The following TPD52L1 variants were observed in gnomAD, a reference collection of about 807,000 sequenced individuals.
TPD52L1 encodes the protein tumor protein D53.
Under a neutral mutation model 28.7 loss-of-function variants are expected in TPD52L1, and 18 were observed. That is an observed-to-expected ratio of 0.63 (90% confidence interval 0.43 to 0.93). The LOEUF is 0.93. Among genes scored for constraint, TPD52L1 ranks in the 40% least tolerant of loss-of-function variants. The pLI is 0.00. For synonymous variants in TPD52L1, 75 were observed against 88.8 expected (o/e 0.84, Z 0.88); for missense variants, 203 against 254.8 (o/e 0.80, Z 1.39).
chr6:125,153,910 C>A lies in TPD52L1; in HGVS notation c.-42C>A, dbSNP rs780191406. 16 of 1,589,486 alleles carry A rather than the reference C, an allele frequency of 1.0e-5. No homozygotes were observed. The African/African-American group carries it at 2.1e-4, about 21-fold the overall frequency. On this transcript the variant is annotated 5_prime_UTR_variant, in exon 1 of 7. Coordinates refer to ENST00000534000, the MANE Select transcript of TPD52L1 (RefSeq NM_003287.4). Reference sequence around the variant, plus strand: ...CGCAGCTGCCATCTGCTCTGGGAAGCACCAGGGTGTCCCCGCCGCCCTCAG... The same window carrying A: ...CGCAGCTGCCATCTGCTCTGGGAAGAACCAGGGTGTCCCCGCCGCCCTCAG...
intron 3 of TPD52L1, among the ~76,000 whole-genome samples, chr6:125,244,879 G>A (rs748108816): frequency 1.8e-4 from 27 of 152,298 alleles, no homozygotes; most frequent in Non-Finnish European, 2.9e-4. Flanking sequence ...TGGAACTCAA[G>A]GCCTGCTGTT....
At chr6:125,212,299 G>A (rs1794575093) in intron 1 of TPD52L1, among the ~76,000 whole-genome samples, 6 of 152,008 alleles carry the variant, frequency 3.9e-5, no homozygotes, top group Admixed American at 3.3e-4. Flanking sequence ...CCCTTTGCTT[G>A]GTTACACAGT....
chr6:125,233,708 C>T (rs999248320), intron 3 of TPD52L1, among the ~76,000 whole-genome samples: 5 of 152,206 alleles, frequency 3.3e-5, no homozygotes, highest in Admixed American at 2.0e-4. Flanking sequence ...GAAATATATT[C>T]GTGCTGTAAA....
intron 2 of TPD52L1, 95 bp downstream of exon 2, chr6:125,220,288 A>G: frequency 2.6e-6 from 2 of 767,598 alleles, no homozygotes; most frequent in Non-Finnish European, 4.2e-6. Flanking sequence ...TTGTATTGTA[A>G]TGATGTTGTC....
Position 125,255,478 on chromosome 6 carries a change from C to T in TPD52L1, c.426-1620C>T, listed in dbSNP as rs936444204. Among the ~76,000 whole-genome samples the T allele has an allele frequency of 6.6e-5, 10 of 152,256 alleles. No individual in the cohort carries two copies. The East Asian group carries it at 1.2e-3, about 18-fold the overall frequency. On this transcript the variant is annotated intron_variant, in intron 5 of 6. Coordinates refer to ENST00000534000, the MANE Select transcript of TPD52L1 (RefSeq NM_003287.4). ...ATAGGAATTTGACTCGTGTTTGAGT[C>T]GTACACAAAATGTGATGCCATGTCA...
chr6:125,235,112 A>ATAAT (rs1796182413), intron 3 of TPD52L1, among the ~76,000 whole-genome samples: 1 of 149,272 alleles, frequency 6.7e-6, no homozygotes, highest in Non-Finnish European at 1.5e-5. Flanking sequence ...AATAATAATA[A>ATAAT]TAATAATAAT....
chr6:125,193,474 G>T (rs752272345), intron 1 of TPD52L1, among the ~76,000 whole-genome samples: 2 of 152,068 alleles, frequency 1.3e-5, no homozygotes, highest in East Asian at 3.9e-4. Context: ...GTAGACTCAA[G>T]AATGGTTGCA....
chr6:125,173,403 T>G (rs1362279990), intron 1 of TPD52L1, among the ~76,000 whole-genome samples: 2 of 152,194 alleles, frequency 1.3e-5, no homozygotes, highest in Admixed American at 1.3e-4. Context: ...TCTGTTGTTC[T>G]CTGCCATTTT....
chr6:125,199,704 A>T (rs1016907896), intron 1 of TPD52L1, among the ~76,000 whole-genome samples: 10 of 152,224 alleles, frequency 6.6e-5, no homozygotes, highest in African/African-American at 2.4e-4. Flanking sequence ...TCAAAATAAA[A>T]GTAAAGGAGA....
At chr6:125,209,348 A>G (rs1333704827) in intron 1 of TPD52L1, among the ~76,000 whole-genome samples, 1 of 152,198 alleles carries the variant, frequency 6.6e-6, no homozygotes, top group Non-Finnish European at 1.5e-5. Flanking sequence ...GCCCACAGTC[A>G]TGAGGTCTAT....
chr6:125,188,065 T>C (rs184924588), intron 1 of TPD52L1, among the ~76,000 whole-genome samples: 1 of 152,326 alleles, frequency 6.6e-6, no homozygotes, highest in Admixed American at 6.5e-5. Flanking sequence ...CCTGGTTTTA[T>C]GGCATCACCT....
At chr6:125,204,746 T>A (rs1794009126) in intron 1 of TPD52L1, among the ~76,000 whole-genome samples, 1 of 152,222 alleles carries the variant, frequency 6.6e-6, no homozygotes, top group South Asian at 2.1e-4. Flanking sequence ...CCCAAAGTGC[T>A]GGAATTACAG....
intron 1 of TPD52L1, among the ~76,000 whole-genome samples, chr6:125,196,632 G>C (rs1428256952): frequency 6.6e-6 from 1 of 152,146 alleles, no homozygotes; most frequent in African/African-American, 2.4e-5. Context: ...TATATACTTT[G>C]GTGTTTATCA....
intron 3 of TPD52L1, among the ~76,000 whole-genome samples, chr6:125,244,507 G>A (rs893030081): frequency 6.6e-6 from 1 of 152,172 alleles, no homozygotes; most frequent in Non-Finnish European, 1.5e-5. Context: ...CTGTCCCAGT[G>A]TTCTGGCTAT....
chr6:125,185,339 C>T (rs551097070), intron 1 of TPD52L1, among the ~76,000 whole-genome samples: 1 of 152,268 alleles, frequency 6.6e-6, no homozygotes, highest in Non-Finnish European at 1.5e-5. Context: ...CATGTCCTTT[C>T]TCTAGCTTTC....
In TPD52L1 at chr6:125,246,435, C is replaced by T. The variant is rs1796929583; in HGVS notation, c.285-1847C>T. 2.6e-5 allele frequency among the ~76,000 whole-genome samples: 4 copies of T among 152,112 alleles called. 1 individual carries two copies. The highest frequency in any genetic ancestry group is 9.7e-5 in the African/African-American group (4 of 41,424). Reference sequence around the variant, plus strand: ...AACAAAAGTTCATGATGTGAGTCTCCACACACTATTCTGTCTGAGCAAGTG... The same window carrying T: ...AACAAAAGTTCATGATGTGAGTCTCTACACACTATTCTGTCTGAGCAAGTG... On this transcript the variant is annotated intron_variant, in intron 3 of 6. Coordinates refer to ENST00000534000, the MANE Select transcript of TPD52L1 (RefSeq NM_003287.4).
At chr6:125,158,742 G>A (rs1790310548) in intron 1 of TPD52L1, among the ~76,000 whole-genome samples, 1 of 152,028 alleles carries the variant, frequency 6.6e-6, no homozygotes, top group South Asian at 2.1e-4. Context: ...AACAGCAGCA[G>A]GTCCAGTCTC....
intron 2 of TPD52L1, among the ~76,000 whole-genome samples, chr6:125,221,276 C>T (rs527647920): frequency 7.2e-5 from 11 of 152,334 alleles, no homozygotes; most frequent in African/African-American, 2.6e-4. Context: ...CTGGGTCTGT[C>T]TGTGGCCACT....
At chr6:125,156,254 C>G (rs1790109385) in intron 1 of TPD52L1, among the ~76,000 whole-genome samples, 1 of 151,978 alleles carries the variant, frequency 6.6e-6, no homozygotes. Context: ...ACTTAGAGCC[C>G]AGGAGTTCGA....
Sources: allele counts gnomAD v4.1 joint callset (sites outside exome capture counted in the v4.1 genomes callset), GRCh38; gene constraint gnomAD v4.1.1; transcripts MANE v1.5; gene names NCBI Gene and HGNC (gene_info 2026-07-23, HGNC 2026-07-21).